Variants in GRAMD1B observed in about 807,000 individuals in gnomAD.
GRAMD1B encodes protein Aster-B.
GRAMD1B carries 37 observed loss-of-function variants against 99.7 expected under a neutral mutation model. That is an observed-to-expected ratio of 0.37 (90% CI 0.29 to 0.49). The LOEUF is 0.49. GRAMD1B is among the 20% of genes least tolerant of loss of function. The pLI is 0.98. For missense variants in GRAMD1B, 888 were observed against 1,009.2 expected (o/e 0.88, Z 1.63); for synonymous variants, 427 against 387.6 (o/e 1.10, Z -1.19).
At chr11:123,462,753 G>A (rs1215043560) in intron 1 of GRAMD1B, among the ~76,000 whole-genome samples, 5 of 151,846 alleles carry the variant, frequency 3.3e-5, no homozygotes, top group South Asian at 2.1e-4. Context: ...GCGGAAGGCC[G>A]CAGGGTCCTC....
chr11:123,600,533 T>C lies in GRAMD1B; in HGVS notation c.1035T>C (p.Asn345=), dbSNP rs1336963711. The C allele has an allele frequency of 6.2e-7, 1 of 1,612,092 alleles. No homozygotes were observed. Among genetic ancestry groups the C allele is most frequent in the African/African-American group, 1.3e-5 (1 of 74,890 alleles). Residue 345 remains asparagine, a synonymous_variant, in exon 8 of 20, where the codon AAT becomes AAC. Coordinates refer to ENST00000635736, the MANE Select transcript of GRAMD1B (RefSeq NM_001387025.1). ...TGATGATGTTCCGGCTCTGGCAGAA[T>C]GCTCTCCTTGAAAAGGTAAGTACGG... ...TYMMMFRLWQ[N]ALLEKPLCPK... is the part of the protein sequence containing the mutation.
At chr11:123,484,664 GCCCCCCCTCCAA>G (rs1951789049) in intron 2 of GRAMD1B, among the ~76,000 whole-genome samples, 1 of 151,912 alleles carries the variant, frequency 6.6e-6, no homozygotes, top group African/African-American at 2.4e-5. Flanking sequence ...CCTGTGACCG[GCCCCCCCTCCAA>G]CCCCCAAAAC....
chr11:123,524,123 A>G (rs974450961), intron 2 of GRAMD1B, among the ~76,000 whole-genome samples: 1 of 152,160 alleles, frequency 6.6e-6, no homozygotes, highest in Non-Finnish European at 1.5e-5. Flanking sequence ...GTTCGGTTTG[A>G]GTAAGGTCAC....
At position 123,595,952 on chromosome 11, in the gene GRAMD1B, G is replaced by A. The variant is rs1021191097; in HGVS notation, c.884G>A (p.Arg295His). Residue 295 changes from arginine (R) to histidine (H), a missense_variant, in exon 7 of 20, where the codon CGT becomes CAT. Transcript: ENST00000635736. Reference sequence around the variant, plus strand: ...CCTCTTGGATGCCAGCTGACAGTCCGTTTGAAAGACATCTGTTCCATGACT... The same window carrying A: ...CCTCTTGGATGCCAGCTGACAGTCCATTTGAAAGACATCTGTTCCATGACT... ...IFRWETLLTV[R>H]LKDICSMTKE... The A allele has an allele frequency of 2.5e-6, 4 of 1,602,180 alleles. No homozygotes were observed. The highest frequency in any genetic ancestry group is 1.3e-5 in the African/African-American group (1 of 74,676).
rs1955392291 is a variant in GRAMD1B, at chr11:123,624,647, G to C, written c.*2052G>C. The C allele has an allele frequency of 6.6e-6, 1 of 152,184 alleles. No individual in the cohort carries two copies. The highest frequency in any genetic ancestry group is 2.4e-5 in the African/African-American group (1 of 41,436). The allele number at this position is 152,184 out of a possible 1,614,324, so 9.4% of individuals were successfully genotyped here. On this transcript the variant is annotated 3_prime_UTR_variant, in exon 20 of 20. Transcript: ENST00000635736. The stretch of plus-strand genomic sequence containing the variant: ...GAGCCAAAGAAGGAGGCATGGTGCA[G>C]ACTGCTGGAAATCTCCCCCTTGGCA...
intron 2 of GRAMD1B, among the ~76,000 whole-genome samples, chr11:123,574,098 A>G (rs1287025367): frequency 6.6e-6 from 1 of 151,344 alleles, no homozygotes; most frequent in Non-Finnish European, 1.5e-5. Flanking sequence ...AAAAAAGAAG[A>G]AAGAGCAGGA....
intron 1 of GRAMD1B, among the ~76,000 whole-genome samples, chr11:123,402,567 G>A (rs1250585604): frequency 6.6e-6 from 1 of 152,142 alleles, no homozygotes; most frequent in Non-Finnish European, 1.5e-5. Flanking sequence ...GGATTCGACT[G>A]GTTAGCTGAA....
At chr11:123,551,946 C>T (rs1945655083) in intron 2 of GRAMD1B, among the ~76,000 whole-genome samples, 1 of 152,214 alleles carries the variant, frequency 6.6e-6, no homozygotes, top group South Asian at 2.1e-4. Context: ...GCTCCTACTA[C>T]ACTGACTTCC....
chr11:123,565,085 G>A (rs1947198874), intron 2 of GRAMD1B, among the ~76,000 whole-genome samples: 2 of 152,164 alleles, frequency 1.3e-5, no homozygotes, highest in East Asian at 3.9e-4. Flanking sequence ...CTAGGCTGAA[G>A]TGTAGTGGTG....
At chr11:123,527,179 G>C (rs539875175) in intron 2 of GRAMD1B, among the ~76,000 whole-genome samples, 1 of 152,288 alleles carries the variant, frequency 6.6e-6, no homozygotes, top group East Asian at 1.9e-4. Context: ...GTCCACGCGT[G>C]GGGTGGGGTG....
chr11:123,602,591 C>A (rs891324487), intron 8 of GRAMD1B, among the ~76,000 whole-genome samples: 8 of 152,030 alleles, frequency 5.3e-5, no homozygotes, highest in African/African-American at 1.9e-4. Context: ...CTTATCCCTG[C>A]CACCTTCTCC....
chr11:123,532,423 G>C (rs1241074835), intron 2 of GRAMD1B, among the ~76,000 whole-genome samples: 2 of 152,234 alleles, frequency 1.3e-5, no homozygotes, highest in East Asian at 3.9e-4. Flanking sequence ...GGAAGATGTG[G>C]CTTCTGAGTG....
At chr11:123,359,597 T>G (rs535760602) in intron 1 of GRAMD1B, among the ~76,000 whole-genome samples, 1 of 152,210 alleles carries the variant, frequency 6.6e-6, no homozygotes, top group Admixed American at 6.5e-5. Context: ...AACAAACAGC[T>G]GCTTGCTGCC....
chr11:123,454,106 A>C (rs1950007654), intron 1 of GRAMD1B, among the ~76,000 whole-genome samples: 1 of 152,218 alleles, frequency 6.6e-6, no homozygotes, highest in South Asian at 2.1e-4. Flanking sequence ...AAAATTCCAG[A>C]CTGGGACAAG....
chr11:123,414,880 C>T (rs144555896), intron 1 of GRAMD1B, among the ~76,000 whole-genome samples: 14 of 152,272 alleles, frequency 9.2e-5, no homozygotes, highest in East Asian at 5.8e-4. Context: ...AGATGAGTCT[C>T]GCTCTAGAGC....
chr11:123,566,900 T>C (rs112827844), intron 2 of GRAMD1B, among the ~76,000 whole-genome samples: 2 of 152,226 alleles, frequency 1.3e-5, no homozygotes, highest in African/African-American at 4.8e-5. Flanking sequence ...CCAGCCCCCA[T>C]GGAGTGCTCA....
At chr11:123,578,479 CT>C in intron 3 of GRAMD1B, 1 of 1,338,100 alleles carries the variant, frequency 7.5e-7, no homozygotes, top group Non-Finnish European at 1.0e-6. Context: ...TAGTGTCGAT[CT>C]GTCTGTAGTG....
At chr11:123,540,600 TTG>T (rs1309895434) in intron 2 of GRAMD1B, among the ~76,000 whole-genome samples, 6 of 24,378 alleles carry the variant, frequency 2.5e-4, no homozygotes, top group Non-Finnish European at 4.2e-4. Flanking sequence ...TGTTTGACTG[TTG>T]TTTTTTTTTT....
At chr11:123,466,947 A>G (rs562537573) in intron 1 of GRAMD1B, among the ~76,000 whole-genome samples, 3 of 152,336 alleles carry the variant, frequency 2.0e-5, no homozygotes, top group Admixed American at 1.3e-4. Flanking sequence ...TTTACCTAAG[A>G]GCAAGTGAAG....
Sources: gnomAD v4.1 joint callset for allele counts (sites outside exome capture counted in the v4.1 genomes callset) on GRCh38, gnomAD v4.1.1 for gene constraint, MANE v1.5 for transcripts, NCBI Gene and HGNC (gene_info 2026-07-23, HGNC 2026-07-21) for gene names.